Variants in TYW1 observed in about 807,000 individuals in gnomAD.
TYW1 encodes the protein tRNA-yW synthesizing protein 1 homolog.
TYW1 carries 46 observed loss-of-function variants against 96.2 expected under a neutral mutation model. That is an observed-to-expected ratio of 0.48 (90% CI 0.38 to 0.61). The LOEUF is 0.61. Among genes scored for constraint, TYW1 ranks in the 20% least tolerant of loss-of-function variants. The pLI, the probability that TYW1 is intolerant of heterozygous loss-of-function variation, is 0.00. For synonymous variants in TYW1, 274 were observed against 323.0 expected, an observed-to-expected ratio of 0.85 and a Z score of 1.63; for missense variants, 684 against 909.6, an observed-to-expected ratio of 0.75 and a Z score of 3.19.
At chr7:67,112,100 C>CAAAAAAAAAAAAAAAAAAAA (rs538839042) in intron 12 of TYW1, among the ~76,000 whole-genome samples, 79 of 94,812 alleles carry the variant, frequency 8.3e-4, no homozygotes, top group Admixed American at 2.3e-3. Flanking sequence ...CTCTGTCTGA[C>CAAAAAAAAAAAAAAAAAAAA]AAAAAAAAAA....
intron 7 of TYW1, among the ~76,000 whole-genome samples, 158 bp downstream of exon 7, chr7:67,025,180 C>T (rs1321875759): frequency 2.0e-5 from 3 of 151,934 alleles, no homozygotes; most frequent in African/African-American, 4.8e-5. Flanking sequence ...TTTTCATGAG[C>T]GTGGTGAGCA....
chr7:67,217,149 A>G (rs1477251081), intron 15 of TYW1, among the ~76,000 whole-genome samples: 35 of 151,708 alleles, frequency 2.3e-4, no homozygotes, highest in African/African-American at 8.2e-4. Flanking sequence ...GGCATTCTCT[A>G]TATATTTTGG....
At chr7:67,115,506 C>G (rs1797566403) in intron 12 of TYW1, among the ~76,000 whole-genome samples, 1 of 152,182 alleles carries the variant, frequency 6.6e-6, no homozygotes, top group Non-Finnish European at 1.5e-5. Context: ...TACATTTGGT[C>G]AGAGCCTCTC....
At chr7:67,102,797 A>G (rs535086107) in intron 12 of TYW1, among the ~76,000 whole-genome samples, 18 of 152,094 alleles carry the variant, frequency 1.2e-4, no homozygotes, top group Admixed American at 8.5e-4. Context: ...GACTACAGGC[A>G]CCCACCACCA....
intron 12 of TYW1, among the ~76,000 whole-genome samples, chr7:67,116,530 A>T (rs11769985): frequency 0.28 from 41,846 of 151,474 alleles, 6,611 homozygotes; most frequent in African/African-American, 0.44. Flanking sequence ...CTACAAAAAA[A>T]TTTTAAAAAT....
chr7:67,050,582 G>T (rs1399213722), intron 8 of TYW1, among the ~76,000 whole-genome samples: 1 of 152,024 alleles, frequency 6.6e-6, no homozygotes, highest in Non-Finnish European at 1.5e-5. Flanking sequence ...GACCGTTCTG[G>T]CAATGCAGAG....
chr7:67,205,393 G>GT (rs1255706102), intron 15 of TYW1, among the ~76,000 whole-genome samples: 1 of 151,834 alleles, frequency 6.6e-6, no homozygotes, highest in Non-Finnish European at 1.5e-5. Flanking sequence ...AGGCGGGGGG[G>GT]GGGCCTTATT....
chr7:67,199,603 TG>T (rs1486282323), intron 15 of TYW1, among the ~76,000 whole-genome samples: 2 of 152,204 alleles, frequency 1.3e-5, no homozygotes, highest in Non-Finnish European at 2.9e-5. Context: ...AGCATTCTAT[TG>T]TAAACAAAAG....
chr7:67,234,469 T>G (rs199704305), intron 15 of TYW1, among the ~76,000 whole-genome samples: 6,090 of 151,906 alleles, frequency 0.04, 176 homozygotes, highest in Middle Eastern at 0.093. Context: ...GCAGCCGCCT[T>G]CAAGACAGGA....
At chr7:67,174,860 A>G (rs1244416111) in intron 13 of TYW1, among the ~76,000 whole-genome samples, 4 of 152,218 alleles carry the variant, frequency 2.6e-5, no homozygotes, top group East Asian at 3.8e-4. Flanking sequence ...CATTAAAAAG[A>G]TAGGAGGATA....
chr7:67,178,601 A>G (rs1799747045), intron 13 of TYW1, among the ~76,000 whole-genome samples: 1 of 152,194 alleles, frequency 6.6e-6, no homozygotes, highest in Non-Finnish European at 1.5e-5. Context: ...AATACTGGAT[A>G]ATGAAAATGA....
intron 9 of TYW1, among the ~76,000 whole-genome samples, chr7:67,059,472 T>G (rs1459958423): frequency 6.6e-6 from 1 of 151,562 alleles, no homozygotes; most frequent in East Asian, 1.9e-4. Context: ...TATCATTGGC[T>G]GCAAAGATCA....
intron 14 of TYW1, among the ~76,000 whole-genome samples, chr7:67,191,428 G>A (rs559610156): frequency 4.3e-4 from 66 of 152,158 alleles, no homozygotes; most frequent in African/African-American, 1.4e-3. Context: ...TCCTCAGCCT[G>A]CAGATTCTGG....
At chr7:67,151,640 A>G (rs1243648547) in intron 13 of TYW1, among the ~76,000 whole-genome samples, 1 of 152,120 alleles carries the variant, frequency 6.6e-6, no homozygotes, top group East Asian at 1.9e-4. Context: ...TTCAAACAAG[A>G]ATTATTGTGT....
chr7:67,101,397 C>T (rs563241195), intron 12 of TYW1, among the ~76,000 whole-genome samples: 4 of 152,158 alleles, frequency 2.6e-5, no homozygotes, highest in Admixed American at 6.5e-5. Context: ...TCCGAGATGA[C>T]GGTGCTCCTG....
At chr7:67,159,557 G>A (rs1470436430) in intron 13 of TYW1, among the ~76,000 whole-genome samples, 1 of 151,930 alleles carries the variant, frequency 6.6e-6, no homozygotes, top group Admixed American at 6.6e-5. Flanking sequence ...CTGACTTTCT[G>A]TAAGTTCAAC....
intron 7 of TYW1, among the ~76,000 whole-genome samples, chr7:67,046,434 T>A (rs1387670877): frequency 6.6e-6 from 1 of 152,146 alleles, no homozygotes; most frequent in Non-Finnish European, 1.5e-5. Flanking sequence ...CAGATTGGGC[T>A]AGTTATGTGG....
intron 13 of TYW1, among the ~76,000 whole-genome samples, chr7:67,160,791 C>T (rs7782029): frequency 0.27 from 40,895 of 149,198 alleles, 6,102 homozygotes; most frequent in African/African-American, 0.39. Flanking sequence ...AGGGTTTCAC[C>T]ACGTTGGCCA....
chr7:67,167,794 G>A (rs553071990), intron 13 of TYW1, among the ~76,000 whole-genome samples: 3 of 151,296 alleles, frequency 2.0e-5, no homozygotes, highest in East Asian at 2.0e-4. Context: ...TCACTCTGTC[G>A]CCCAGGCTGG....
Sources: gnomAD v4.1 joint callset for allele counts (sites outside exome capture counted in the v4.1 genomes callset) on GRCh38, gnomAD v4.1.1 for gene constraint, MANE v1.5 for transcripts, NCBI Gene and HGNC (gene_info 2026-07-23, HGNC 2026-07-21) for gene names.